The following HDAC9 variants were observed in gnomAD, a reference collection of about 807,000 sequenced individuals.
The protein encoded by HDAC9 is histone deacetylase 9, also known as MEF-2 interacting transcription repressor (MITR) protein.
HDAC9 carries 41 observed loss-of-function variants against 139.4 expected under a neutral mutation model. That is an observed-to-expected ratio of 0.29 (90% CI 0.23 to 0.38). The LOEUF is 0.38. Among genes scored for constraint, HDAC9 ranks in the 10% least tolerant of loss-of-function variants. The pLI, the probability that HDAC9 is intolerant of heterozygous loss-of-function variation, is 1.00. For synonymous variants in HDAC9, 517 were observed against 476.2 expected (o/e 1.09, Z -1.12); for missense variants, 1,147 against 1,297.0 (o/e 0.88, Z 1.78).
intron 11 of HDAC9, among the ~76,000 whole-genome samples, chr7:18,663,800 C>T (rs1325312859): frequency 1.3e-5 from 2 of 152,130 alleles, no homozygotes; most frequent in African/African-American, 2.4e-5. Context: ...GCCTCCTTCA[C>T]CTGGCTTGTA....
At position 18,829,390 on chromosome 7, in the gene HDAC9, C is replaced by G. The variant is rs1340102113; in HGVS notation, c.2379-71C>G. On this transcript the variant is annotated intron_variant, in intron 18 of 25. Coordinates refer to ENST00000686413, the MANE Select transcript of HDAC9 (RefSeq NM_178425.4). ...ATCATATAGCATTTAAAAAAATGCT[C>G]TGAACATTATTTATAATGGTTTTCC... 6 of 1,288,000 alleles carry G rather than the reference C, an allele frequency of 4.7e-6. No homozygotes were observed. The East Asian group carries it at 9.2e-5, about 20-fold the overall frequency. The allele number at this position is 1,288,000 out of a possible 1,614,324, so 79.8% of individuals were successfully genotyped here. A position where few individuals can be genotyped will look rare whatever the true frequency, so the allele number is the denominator to read the frequency against.
At chr7:18,745,531 CTTTTT>C (rs565092002) in intron 13 of HDAC9, among the ~76,000 whole-genome samples, 1 of 90,484 alleles carries the variant, frequency 1.1e-5, no homozygotes, top group African/African-American at 4.6e-5. Flanking sequence ...ACTCTCTACT[CTTTTT>C]TTTTTTTTTT....
intron 17 of HDAC9, among the ~76,000 whole-genome samples, chr7:18,814,003 T>C (rs886797961): frequency 6.6e-6 from 1 of 152,218 alleles, no homozygotes; most frequent in Admixed American, 6.5e-5. Flanking sequence ...GCCTGCTTTA[T>C]GGTAATTGGA....
intron 24 of HDAC9, among the ~76,000 whole-genome samples, chr7:18,963,524 A>G (rs1008152534): frequency 6.6e-6 from 1 of 152,232 alleles, no homozygotes; most frequent in Non-Finnish European, 1.5e-5. Flanking sequence ...AATGAGATAT[A>G]TTAGAATAAT....
chr7:18,219,678 T>C (rs999420176), intron 2 of HDAC9, among the ~76,000 whole-genome samples: 10 of 152,188 alleles, frequency 6.6e-5, no homozygotes, highest in African/African-American at 2.4e-4. Flanking sequence ...CCCAGGACTT[T>C]CATATAACTG....
intron 21 of HDAC9, among the ~76,000 whole-genome samples, chr7:18,865,405 G>C (rs191797551): frequency 6.6e-6 from 1 of 152,150 alleles, no homozygotes; most frequent in Non-Finnish European, 1.5e-5. Flanking sequence ...AGAGAAGGGG[G>C]CAATGTGTGT....
chr7:18,474,130 T>G (rs1404048699), intron 1 of HDAC9, among the ~76,000 whole-genome samples: 1 of 152,220 alleles, frequency 6.6e-6, no homozygotes, highest in Non-Finnish European at 1.5e-5. Flanking sequence ...TGGTAATCTC[T>G]CTCAACTTTT....
intron 1 of HDAC9, among the ~76,000 whole-genome samples, chr7:18,150,098 C>T (rs1167739651): frequency 1.4e-5 from 2 of 146,514 alleles, no homozygotes; most frequent in African/African-American, 5.0e-5. Context: ...TTTTTAAGTG[C>T]ACAAATATTT....
At chr7:18,132,703 G>A (rs1408486543) in intron 1 of HDAC9, among the ~76,000 whole-genome samples, 1 of 152,166 alleles carries the variant, frequency 6.6e-6, no homozygotes, top group Non-Finnish European at 1.5e-5. Context: ...AAAATGGCCT[G>A]TATTCATTAA....
intron 22 of HDAC9, among the ~76,000 whole-genome samples, chr7:18,881,873 A>G (rs1471876590): frequency 2.6e-5 from 4 of 152,152 alleles, no homozygotes; most frequent in Admixed American, 2.6e-4. Flanking sequence ...AGGAGTGTCT[A>G]GAAGTCACCT....
intron 1 of HDAC9, among the ~76,000 whole-genome samples, chr7:18,392,273 A>ACTCT (rs1169041782): frequency 3.0e-5 from 2 of 65,742 alleles, no homozygotes; most frequent in African/African-American, 1.2e-4. Context: ...TGTCTCTGTC[A>ACTCT]CTCTCTCTCT....
At chr7:18,193,494 C>T (rs1454817592) in intron 2 of HDAC9, among the ~76,000 whole-genome samples, 1 of 152,094 alleles carries the variant, frequency 6.6e-6, no homozygotes, top group Non-Finnish European at 1.5e-5. Flanking sequence ...AAGGGGGTTT[C>T]GTTTGTCAAA....
Position 18,659,567 on chromosome 7 carries a change from T to C in HDAC9, c.1468-6646T>C, listed in dbSNP as rs570203237. Among the ~76,000 whole-genome samples, 31 of 152,220 alleles carry C rather than the reference T, an allele frequency of 2.0e-4. 1 individual carries two copies. The South Asian group carries it at 6.4e-3, about 32-fold the overall frequency. ...TGTGTGTGTTACAAACTCAGAATGG[T>C]CATAGGCTGCCCGTGGCATGCTTAG... On this transcript the variant is annotated intron_variant, in intron 11 of 25. Transcript: ENST00000686413.
chr7:18,760,532 A>G (rs1789292122), intron 14 of HDAC9, among the ~76,000 whole-genome samples: 1 of 152,198 alleles, frequency 6.6e-6, no homozygotes, highest in African/African-American at 2.4e-5. Flanking sequence ...ACCCACCTGG[A>G]ATAATTTCTC....
intron 24 of HDAC9, among the ~76,000 whole-genome samples, chr7:18,956,107 A>C (rs1783126352): frequency 6.6e-6 from 1 of 152,084 alleles, no homozygotes; most frequent in African/African-American, 2.4e-5. Context: ...TCAATCTACT[A>C]TCAAAACTTG....
At chr7:18,685,833 ATTTAAAG>A (rs1467618484) in intron 12 of HDAC9, among the ~76,000 whole-genome samples, 53 of 152,002 alleles carry the variant, frequency 3.5e-4, no homozygotes, top group Non-Finnish European at 4.4e-5. Context: ...GTGTGCCAGT[ATTTAAAG>A]TTTAAACACT....
rs145518488 is a variant in HDAC9, at chr7:18,669,193, T to C, written c.1731+2717T>C. Among the ~76,000 whole-genome samples, 689 of 151,914 alleles carry C rather than the reference T, an allele frequency of 4.5e-3. 7 individuals carry two copies. The highest frequency in any genetic ancestry group is 0.014 in the Middle Eastern group (4 of 294). On this transcript the variant is annotated intron_variant, in intron 12 of 25. Transcript: ENST00000686413. ...CTAAATAGATGTCAGTTCCTAACTT[T>C]GCTCAACTTAAAAAATTATTTTTAA...
At chr7:18,528,703 A>G (rs1807771429) in intron 2 of HDAC9, among the ~76,000 whole-genome samples, 1 of 152,172 alleles carries the variant, frequency 6.6e-6, no homozygotes, top group African/African-American at 2.4e-5. Context: ...ATTAATAACA[A>G]TGAATTTTAT....
intron 2 of HDAC9, among the ~76,000 whole-genome samples, chr7:18,562,903 A>T (rs989990673): frequency 2.6e-5 from 4 of 152,116 alleles, no homozygotes; most frequent in African/African-American, 9.7e-5. Flanking sequence ...TCATTCGTTT[A>T]GATCTCCTTT....
Sources: gnomAD v4.1 joint callset for allele counts (sites outside exome capture counted in the v4.1 genomes callset) on GRCh38, gnomAD v4.1.1 for gene constraint, MANE v1.5 for transcripts, NCBI Gene and HGNC (gene_info 2026-07-23, HGNC 2026-07-21) for gene names.